The following CLDN18 variants were observed in gnomAD, a reference collection of about 807,000 sequenced individuals.
CLDN18 encodes claudin 18, also known as claudin-18.
CLDN18 carries 20 observed loss-of-function variants against 25.0 expected under a neutral mutation model. That is an observed-to-expected ratio of 0.80 (90% CI 0.56 to 1.16). The LOEUF is 1.16. CLDN18 is among the 50% of genes most tolerant of loss of function. CLDN18 has a pLI of 0.00. For missense variants in CLDN18, 297 were observed against 345.4 expected, an observed-to-expected ratio of 0.86 and a Z score of 1.11; for synonymous variants, 125 against 135.6, an observed-to-expected ratio of 0.92 and a Z score of 0.54.
chr3:138,005,422 T>C (rs932413623), upstream of CLDN18, among the ~76,000 whole-genome samples: 3 of 151,764 alleles, frequency 2.0e-5, no homozygotes, highest in African/African-American at 7.3e-5. Flanking sequence ...AGGTGTGTGA[T>C]GTTCCCCTCC....
At chr3:138,010,591 G>T (rs1172523752) in intron 1 of CLDN18, 146 bp downstream of exon 1, 37 of 1,067,914 alleles carry the variant, frequency 3.5e-5, no homozygotes, top group Non-Finnish European at 4.7e-5. Flanking sequence ...GGAGAAGCTG[G>T]CTCGTGTCTA....
chr3:138,030,215 C>T (rs527598578), intron 4 of CLDN18, among the ~76,000 whole-genome samples: 2 of 152,328 alleles, frequency 1.3e-5, no homozygotes, highest in South Asian at 2.1e-4. Context: ...TCTGGCAACA[C>T]GTGAAGACAT....
rs1942412606 is a variant in CLDN18 at position 138,032,799 on chromosome 3, G to A, written c.*1658G>A. On this transcript the variant is annotated 3_prime_UTR_variant, in exon 5 of 5. Transcript: ENST00000183605. ...TCACTTCTCTGAATTCACCTAGAGT[G>A]GTTGGACCATCAGATGTTTGGGCAA... The A allele has an allele frequency of 6.6e-6, 1 of 152,320 alleles. No homozygotes were observed. Among genetic ancestry groups the A allele is most frequent in the Non-Finnish European group, 1.5e-5 (1 of 68,034 alleles). The allele number at this position is 152,320 out of a possible 1,614,324, so 9.4% of individuals were successfully genotyped here.
intron 1 of CLDN18, 133 bp from the exon 2 acceptor site, chr3:138,023,525 T>TAG: frequency 1.3e-6 from 1 of 755,090 alleles, no homozygotes; most frequent in Non-Finnish European, 2.1e-6. Context: ...GGTTCACAGT[T>TAG]TATGGACTTT....
At chr3:138,001,636 C>T (rs1404252527) in intron 1 of CLDN18, among the ~76,000 whole-genome samples, 1 of 152,042 alleles carries the variant, frequency 6.6e-6, no homozygotes, top group Non-Finnish European at 1.5e-5. Context: ...CCTGTTATGC[C>T]TTCTCTTAAA....
intron 3 of CLDN18, among the ~76,000 whole-genome samples, chr3:138,028,317 G>A (rs562073746): frequency 1.2e-4 from 18 of 152,108 alleles, no homozygotes; most frequent in Non-Finnish European, 2.1e-4. Flanking sequence ...TGCCTGCCTC[G>A]GCCTCCCAAA....
chr3:138,022,942 T>C (rs36111157), intron 1 of CLDN18, among the ~76,000 whole-genome samples: 60,017 of 152,040 alleles, frequency 0.39, 12,644 homozygotes, highest in Middle Eastern at 0.59. Context: ...TATCTGGAGG[T>C]GAAGGCACTG....
intron 1 of CLDN18, among the ~76,000 whole-genome samples, chr3:138,023,280 T>G (rs933884534): frequency 5.3e-5 from 8 of 152,202 alleles, no homozygotes; most frequent in African/African-American, 1.9e-4. Context: ...ATAAGCTCTA[T>G]CAGTAATTTG....
upstream of CLDN18, among the ~76,000 whole-genome samples, chr3:138,006,675 A>T (rs7641445): frequency 0.2 from 30,017 of 152,152 alleles, 4,916 homozygotes; most frequent in African/African-American, 0.45. Flanking sequence ...CTAAAATAGT[A>T]GTCTGCTCAG....
At chr3:138,007,178 C>T (rs1210588055), upstream of CLDN18, among the ~76,000 whole-genome samples, 1 of 152,074 alleles carries the variant, frequency 6.6e-6, no homozygotes, top group African/African-American at 2.4e-5. Context: ...ACAATTTGAC[C>T]TAGCAATCCC....
intron 3 of CLDN18, among the ~76,000 whole-genome samples, chr3:138,025,925 C>T (rs1184541348): frequency 1.3e-5 from 2 of 152,192 alleles, no homozygotes; most frequent in East Asian, 1.9e-4. Flanking sequence ...CCTGCCATCA[C>T]TCTCTCACAT....
chr3:138,028,484 T>G (rs1942352750), intron 3 of CLDN18, among the ~76,000 whole-genome samples: 1 of 152,238 alleles, frequency 6.6e-6, no homozygotes, highest in African/African-American at 2.4e-5. Flanking sequence ...GTCGTAGACT[T>G]TAAACATATT....
rs780283140 is a variant in CLDN18 at position 137,998,863 on chromosome 3, G to A, written c.-6G>A. The A allele has an allele frequency of 8.1e-6, 13 of 1,613,910 alleles. No homozygotes were observed. The East Asian group carries it at 8.9e-5, about 11-fold the overall frequency. On this transcript the variant is annotated 5_prime_UTR_variant, in exon 1 of 5. Coordinates refer to the CLDN18 transcript ENST00000343735. Reference sequence around the variant, plus strand: ...GTGTGGCTCTGTGTCGACACTGTGCGCCACCATGGCCGTGACTGCCTGTCA... The same window carrying A: ...GTGTGGCTCTGTGTCGACACTGTGCACCACCATGGCCGTGACTGCCTGTCA...
chr3:138,029,321 T>G (rs529012056), intron 3 of CLDN18, among the ~76,000 whole-genome samples: 2 of 152,228 alleles, frequency 1.3e-5, no homozygotes, highest in South Asian at 4.2e-4. Flanking sequence ...AATTTTTGTA[T>G]TTTCAGTAGA....
rs767640635 is a variant in CLDN18, at chr3:138,030,985, T to C, written c.630T>C (p.Ser210=). The change falls in exon 5 of 5, where the codon TCT becomes TCC. Residue 210 remains serine, a synonymous_variant. Transcript: ENST00000183605. ...APEETNYKAV[S]YHASGHSVAY... Reference sequence around the variant, plus strand: ...TTTCTTTCAGCTACAAAGCCGTTTCTTATCATGCCTCAGGCCACAGTGTTG... The same window carrying C: ...TTTCTTTCAGCTACAAAGCCGTTTCCTATCATGCCTCAGGCCACAGTGTTG... 1 of 1,612,044 alleles carries C rather than the reference T, an allele frequency of 6.2e-7. No individual in the cohort carries two copies. Among genetic ancestry groups the C allele is most frequent in the Admixed American group, 1.7e-5 (1 of 59,552 alleles).
upstream of CLDN18, among the ~76,000 whole-genome samples, chr3:138,007,102 T>C (rs1047512000): frequency 2.6e-5 from 4 of 152,186 alleles, no homozygotes; most frequent in Non-Finnish European, 4.4e-5. Flanking sequence ...GGGGGAAGGT[T>C]AGACAAATGT....
intron 3 of CLDN18, among the ~76,000 whole-genome samples, chr3:138,028,991 A>G (rs1274212614): frequency 1.3e-5 from 2 of 152,252 alleles, no homozygotes; most frequent in South Asian, 2.1e-4. Flanking sequence ...AAAGACATCA[A>G]TAAAAGAATG....
In CLDN18 at chr3:138,022,650, C is replaced by G. The variant is rs143931476; in HGVS notation, c.221-1008C>G. On this transcript the variant is annotated intron_variant, in intron 1 of 4. Transcript: ENST00000183605. ...GGTGTCTAGCACATAAGCATCTCCA[C>G]ACAGTTTTGCAGTTCAGCTCCACCA... 4.6e-5 allele frequency among the ~76,000 whole-genome samples: 7 copies of G among 152,330 alleles called. No individual in the cohort carries two copies. The East Asian group carries it at 1.4e-3, about 29-fold the overall frequency.
intron 1 of CLDN18, among the ~76,000 whole-genome samples, chr3:137,999,386 T>A (rs1045944183): frequency 1.3e-5 from 2 of 152,162 alleles, no homozygotes; most frequent in Non-Finnish European, 2.9e-5. Context: ...CAATCACCCA[T>A]AGGAACAGGA....
Sources: gnomAD v4.1 joint callset for allele counts (sites outside exome capture counted in the v4.1 genomes callset) on GRCh38, gnomAD v4.1.1 for gene constraint, MANE v1.5 for transcripts, NCBI Gene and HGNC (gene_info 2026-07-23, HGNC 2026-07-21) for gene names.